The following KCNH5 variants were observed in gnomAD, a reference collection of about 807,000 sequenced individuals.
KCNH5 encodes voltage-gated delayed rectifier potassium channel KCNH5.
KCNH5 carries 46 observed loss-of-function variants against 96.1 expected under a neutral mutation model. That is an observed-to-expected ratio of 0.48 (90% CI 0.38 to 0.61). The LOEUF (loss-of-function observed/expected upper bound fraction) is 0.61, where lower values mean the gene tolerates loss of function less well. Ranked by LOEUF, KCNH5 falls within the 20% of genes least tolerant of loss-of-function variation. The probability of loss-of-function intolerance (pLI) is 0.00; values close to 1 mark genes in which losing one functional copy is unlikely to be tolerated. For synonymous variants in KCNH5, 439 were observed against 449.8 expected (o/e 0.98, Z 0.30); for missense variants, 907 against 1,225.8 (o/e 0.74, Z 3.88).
chr14:62,917,385 A>G (rs1048893465), intron 7 of KCNH5, among the ~76,000 whole-genome samples: 6 of 149,960 alleles, frequency 4.0e-5, no homozygotes, highest in African/African-American at 9.8e-5. Context: ...TATCTCAGAT[A>G]CAGAGCTTTG....
At chr14:62,934,689 T>A (rs1206054209) in intron 7 of KCNH5, among the ~76,000 whole-genome samples, 2 of 152,194 alleles carry the variant, frequency 1.3e-5, no homozygotes, top group Admixed American at 1.3e-4. Context: ...AGAAAGCAGC[T>A]TAGCTTTGAG....
chr14:62,720,258 G>A (rs1884778449), intron 10 of KCNH5, among the ~76,000 whole-genome samples: 1 of 152,134 alleles, frequency 6.6e-6, no homozygotes, highest in African/African-American at 2.4e-5. Flanking sequence ...CGTGGAAGAG[G>A]TGGCCAGGGA....
intron 10 of KCNH5, among the ~76,000 whole-genome samples, chr14:62,778,410 T>C (rs931380624): frequency 6.6e-6 from 1 of 152,186 alleles, no homozygotes; most frequent in African/African-American, 2.4e-5. Flanking sequence ...CCAACCACAC[T>C]ACAAGAGTCA....
At chr14:62,905,315 A>C (rs1286023939) in intron 7 of KCNH5, among the ~76,000 whole-genome samples, 1 of 152,248 alleles carries the variant, frequency 6.6e-6, no homozygotes, top group Admixed American at 6.5e-5. Context: ...TTATTAATGA[A>C]TATAAACAAT....
chr14:62,902,546 T>G (rs1888948505), intron 7 of KCNH5, among the ~76,000 whole-genome samples: 1 of 152,140 alleles, frequency 6.6e-6, no homozygotes, highest in Non-Finnish European at 1.5e-5. Flanking sequence ...CAGCATAGGT[T>G]GAGTCTAATA....
At chr14:62,936,980 C>CAAAA (rs5809179) in intron 7 of KCNH5, among the ~76,000 whole-genome samples, 64 of 61,616 alleles carry the variant, frequency 1.0e-3, no homozygotes, top group Admixed American at 1.3e-3. Context: ...GACTCCATCT[C>CAAAA]AAAAAAAAAA....
intron 1 of KCNH5, among the ~76,000 whole-genome samples, chr14:63,031,304 C>T (rs1387146816): frequency 6.6e-6 from 1 of 152,086 alleles, no homozygotes; most frequent in Admixed American, 6.6e-5. Context: ...AATAACTACA[C>T]TTAGGTTAAT....
intron 9 of KCNH5, among the ~76,000 whole-genome samples, chr14:62,794,576 G>A (rs531389764): frequency 5.3e-5 from 8 of 151,944 alleles, no homozygotes; most frequent in South Asian, 2.1e-4. Context: ...GTTATTAAAC[G>A]ACTTGGTATA....
At chr14:62,985,694 G>A (rs12587142) in intron 5 of KCNH5, among the ~76,000 whole-genome samples, 16,517 of 151,974 alleles carry the variant, frequency 0.11, 1,144 homozygotes, top group East Asian at 0.36. Context: ...TTAGTCTCAG[G>A]GTAACATCGT....
chr14:62,785,714 A>T (rs1476278778), intron 9 of KCNH5, among the ~76,000 whole-genome samples: 1 of 152,208 alleles, frequency 6.6e-6, no homozygotes, highest in Non-Finnish European at 1.5e-5. Context: ...ATATAGTAGG[A>T]AACTGGAACA....
chr14:62,819,262 T>C (rs1349086338), intron 8 of KCNH5, among the ~76,000 whole-genome samples: 10 of 152,160 alleles, frequency 6.6e-5, no homozygotes, highest in South Asian at 2.1e-4. Context: ...CCACCGTGCC[T>C]GGCCAAGAAT....
chr14:62,800,704 A>T (rs1319809059), intron 9 of KCNH5, among the ~76,000 whole-genome samples: 1 of 152,222 alleles, frequency 6.6e-6, no homozygotes, highest in Non-Finnish European at 1.5e-5. Context: ...TTAAGCAAAC[A>T]AGAATAGTTT....
intron 1 of KCNH5, among the ~76,000 whole-genome samples, chr14:63,039,896 G>C (rs192829040): frequency 6.6e-6 from 1 of 151,998 alleles, no homozygotes; most frequent in Non-Finnish European, 1.5e-5. Flanking sequence ...CAAGCAAGGT[G>C]GGGGAAGGGG....
intron 7 of KCNH5, among the ~76,000 whole-genome samples, chr14:62,945,497 G>A (rs1889869111): frequency 6.6e-6 from 1 of 152,132 alleles, no homozygotes; most frequent in African/African-American, 2.4e-5. Flanking sequence ...TTAAGATTGA[G>A]CACAAAACTC....
chr14:62,779,751 G>A lies in KCNH5; in HGVS notation c.1996C>T (p.Leu666Phe), dbSNP rs1363233289. The A allele has an allele frequency of 6.2e-7, 1 of 1,613,722 alleles. No individual in the cohort carries two copies. Among genetic ancestry groups the A allele is most frequent in the Non-Finnish European group, 8.5e-7 (1 of 1,179,854 alleles). Reference sequence around the variant, plus strand: ...ACCCGTTTCCTCAGATTGCAAGTAAGAGTGAGATTCCTTGAGAAGGAGTTT... The same window carrying A: ...ACCCGTTTCCTCAGATTGCAAGTAAAAGTGAGATTCCTTGAGAAGGAGTTT... ...FANSFSRNLTLTCNLRKRIIF... is the reference protein window; with the variant it reads ...FANSFSRNLTFTCNLRKRIIF... Residue 666 changes from leucine to phenylalanine, a missense_variant, in exon 10 of 11, where the codon CTT becomes TTT. By Grantham distance (22) the Leu-to-Phe change is conservative (BLOSUM62 0). Around this residue, in one of 6 missense-constraint regions of KCNH5, gnomAD observed 57 missense variants for 76.0 expected, o/e 0.75. Transcript: ENST00000322893.
At chr14:62,880,801 T>C (rs925921060) in intron 7 of KCNH5, among the ~76,000 whole-genome samples, 1 of 152,202 alleles carries the variant, frequency 6.6e-6, no homozygotes, top group Admixed American at 6.5e-5. Context: ...ACTGTAAATT[T>C]AGTATAGTAT....
At chr14:62,996,440 G>A (rs558663991) in intron 4 of KCNH5, among the ~76,000 whole-genome samples, 9 of 152,244 alleles carry the variant, frequency 5.9e-5, no homozygotes, top group Admixed American at 1.3e-4. Context: ...TTTTCACAAT[G>A]GGGTCTGATT....
chr14:62,804,887 T>C (rs565529468), intron 8 of KCNH5, among the ~76,000 whole-genome samples: 4 of 152,218 alleles, frequency 2.6e-5, no homozygotes, highest in African/African-American at 4.8e-5. Flanking sequence ...TTATTGTTGC[T>C]TAAACTCTCT....
At chr14:62,816,862 T>C (rs563578823) in intron 8 of KCNH5, among the ~76,000 whole-genome samples, 1 of 151,578 alleles carries the variant, frequency 6.6e-6, no homozygotes, top group South Asian at 2.1e-4. Context: ...TCAAACCGAA[T>C]ATTTTCAAAT....
Sources: gnomAD v4.1 joint callset for allele counts (sites outside exome capture counted in the v4.1 genomes callset) on GRCh38, gnomAD v4.1.1 for gene constraint, gnomAD v4.1.1 regional missense constraint, MANE v1.5 for transcripts, NCBI Gene and HGNC (gene_info 2026-07-23, HGNC 2026-07-21) for gene names.